Variants in DENND1A observed in about 807,000 individuals in gnomAD.
DENND1A encodes the protein DENN domain-containing protein 1A.
In DENND1A, 51 loss-of-function variants were observed where a neutral mutation model predicts 113.7. That is an observed-to-expected ratio of 0.45 (90% CI 0.36 to 0.57). DENND1A has a LOEUF of 0.57. DENND1A is among the 20% of genes least tolerant of loss of function. The probability of loss-of-function intolerance (pLI) is 0.00; values close to 1 mark genes in which losing one functional copy is unlikely to be tolerated. For missense variants in DENND1A, 1,258 were observed against 1,395.9 expected, an observed-to-expected ratio of 0.90 and a Z score of 1.57; for synonymous variants, 565 against 570.8, an observed-to-expected ratio of 0.99 and a Z score of 0.14.
chr9:123,688,430 C>T (rs1007537681), intron 5 of DENND1A, among the ~76,000 whole-genome samples: 1 of 152,146 alleles, frequency 6.6e-6, no homozygotes, highest in African/African-American at 2.4e-5. Context: ...ATAAGTCAGG[C>T]ACTGAGTAGA....
At chr9:123,848,247 A>C (rs886728709) in intron 2 of DENND1A, among the ~76,000 whole-genome samples, 14 of 150,708 alleles carry the variant, frequency 9.3e-5, no homozygotes, top group African/African-American at 2.2e-4. Flanking sequence ...AAAAAAAAAA[A>C]AAAAAAAAAA....
chr9:123,841,017 C>A (rs1841746311), intron 2 of DENND1A, among the ~76,000 whole-genome samples: 1 of 152,180 alleles, frequency 6.6e-6, no homozygotes, highest in African/African-American at 2.4e-5. Context: ...TATTTCATCT[C>A]TGCCCTATTG....
chr9:123,459,072 G>A (rs1396748690), intron 13 of DENND1A, among the ~76,000 whole-genome samples: 1 of 152,222 alleles, frequency 6.6e-6, no homozygotes, highest in Non-Finnish European at 1.5e-5. Flanking sequence ...TTGGGAGGCT[G>A]AGGAGAGAAT....
At chr9:123,510,126 A>G (rs944820699) in intron 13 of DENND1A, among the ~76,000 whole-genome samples, 1 of 152,142 alleles carries the variant, frequency 6.6e-6, no homozygotes, top group Admixed American at 6.5e-5. Flanking sequence ...GCGCCTTCCC[A>G]CTTCTCTGCT....
At chr9:123,442,818 C>T (rs1326491620) in intron 18 of DENND1A, among the ~76,000 whole-genome samples, 3 of 152,142 alleles carry the variant, frequency 2.0e-5, no homozygotes, top group Non-Finnish European at 2.9e-5. Context: ...CTCTCTGCAC[C>T]TATTGCCTTA....
intron 5 of DENND1A, among the ~76,000 whole-genome samples, chr9:123,752,785 C>T (rs2070172316): frequency 6.6e-6 from 1 of 152,180 alleles, no homozygotes; most frequent in Non-Finnish European, 1.5e-5. Context: ...GAGGTAAATG[C>T]ATATATTGCA....
chr9:123,571,229 T>C (rs1026333462), intron 12 of DENND1A, among the ~76,000 whole-genome samples: 33 of 152,330 alleles, frequency 2.2e-4, no homozygotes, highest in African/African-American at 7.5e-4. Context: ...AGCAGAGTTG[T>C]TCTGAAAGCT....
At chr9:123,491,302 G>A (rs1444234328) in intron 13 of DENND1A, among the ~76,000 whole-genome samples, 1 of 152,216 alleles carries the variant, frequency 6.6e-6, no homozygotes, top group Admixed American at 6.5e-5. Context: ...TCTGATCTGA[G>A]GCTCTGAGAT....
intron 7 of DENND1A, among the ~76,000 whole-genome samples, chr9:123,670,766 C>G (rs59933917): frequency 0.054 from 8,217 of 152,190 alleles, 710 homozygotes; most frequent in African/African-American, 0.19. Flanking sequence ...CAAGATGCTT[C>G]GAGCAAAGGA....
intron 21 of DENND1A, among the ~76,000 whole-genome samples, chr9:123,395,441 C>G (rs1354419001): frequency 7.8e-6 from 1 of 128,174 alleles, no homozygotes; most frequent in East Asian, 2.2e-4. Context: ...GGTTTTGTCT[C>G]CAGGGCCCAG....
intron 12 of DENND1A, among the ~76,000 whole-genome samples, chr9:123,572,995 T>C (rs2058439782): frequency 6.6e-6 from 1 of 152,172 alleles, no homozygotes; most frequent in Non-Finnish European, 1.5e-5. Flanking sequence ...GGCTTCTTTT[T>C]TTTCCATATA....
chr9:123,639,313 C>CTA (rs1163900382), intron 9 of DENND1A, among the ~76,000 whole-genome samples: 2 of 151,718 alleles, frequency 1.3e-5, no homozygotes, highest in Middle Eastern at 3.4e-3. Context: ...GTGACAGGCG[C>CTA]CTGTAGTCCC....
At chr9:123,794,030 G>T (rs1274948923) in intron 2 of DENND1A, among the ~76,000 whole-genome samples, 1 of 152,236 alleles carries the variant, frequency 6.6e-6, no homozygotes, top group African/African-American at 2.4e-5. Flanking sequence ...GAGAACTCTG[G>T]AGTAATGCCC....
chr9:123,547,702 T>C (rs1022037641), intron 13 of DENND1A, among the ~76,000 whole-genome samples: 1 of 152,236 alleles, frequency 6.6e-6, no homozygotes, highest in Non-Finnish European at 1.5e-5. Flanking sequence ...CCTTTATGTA[T>C]CATTTGAGAT....
chr9:123,558,375 C>G (rs186169080), intron 12 of DENND1A, among the ~76,000 whole-genome samples: 4 of 152,268 alleles, frequency 2.6e-5, no homozygotes, highest in Admixed American at 2.0e-4. Context: ...ACATCATACT[C>G]TAAAGGAAGT....
chr9:123,432,932 G>A (rs114789283), intron 19 of DENND1A, among the ~76,000 whole-genome samples: 1 of 152,342 alleles, frequency 6.6e-6, no homozygotes, highest in African/African-American at 2.4e-5. Flanking sequence ...TAGGGACACA[G>A]GTCAGTTGCC....
intron 20 of DENND1A, chr9:123,403,712 C>T: frequency 3.6e-6 from 2 of 559,456 alleles, no homozygotes; most frequent in Non-Finnish European, 6.4e-6. Context: ...CAGAAGGGTG[C>T]TCCTGGAAAG....
intron 1 of DENND1A, among the ~76,000 whole-genome samples, chr9:123,913,358 G>T (rs1854429134): frequency 2.0e-5 from 3 of 152,082 alleles, no homozygotes; most frequent in Non-Finnish European, 4.4e-5. Flanking sequence ...ACAGGGCCAG[G>T]AAATAGTCAA....
intron 11 of DENND1A, among the ~76,000 whole-genome samples, chr9:123,606,123 C>G (rs932130515): frequency 2.6e-5 from 4 of 152,146 alleles, no homozygotes; most frequent in African/African-American, 9.7e-5. Flanking sequence ...AGGGTACAAT[C>G]GAACTAGATA....
Sources: allele counts gnomAD v4.1 joint callset (sites outside exome capture counted in the v4.1 genomes callset), GRCh38; gene constraint gnomAD v4.1.1; transcripts MANE v1.5; gene names NCBI Gene and HGNC (gene_info 2026-07-23, HGNC 2026-07-21).